DENND1A: variants seen among roughly 807,000 people sequenced by gnomAD.
The protein encoded by DENND1A is DENN domain containing 1A.
In DENND1A, 51 loss-of-function variants were observed where a neutral mutation model predicts 113.7. The ratio of observed to expected loss-of-function variants is 0.45; its 90% CI spans 0.36 to 0.57. The LOEUF is 0.57. DENND1A is among the 20% of genes least tolerant of loss of function. The pLI, the probability that DENND1A is intolerant of heterozygous loss-of-function variation, is 0.00. For missense variants in DENND1A, 1,258 were observed against 1,395.9 expected (o/e 0.90, Z 1.57); for synonymous variants, 565 against 570.8 (o/e 0.99, Z 0.14).
At chr9:123,552,933 G>GA (rs1373455811) in intron 13 of DENND1A, among the ~76,000 whole-genome samples, 4 of 152,224 alleles carry the variant, frequency 2.6e-5, no homozygotes, top group Non-Finnish European at 5.9e-5. Context: ...GCACAGTGTG[G>GA]TATCATGAAA....
rs146208649 is a variant in DENND1A, at chr9:123,382,242, C to T, written c.2403G>A (p.Thr801=). The stretch of plus-strand genomic sequence containing the variant: ...TCAGGGCAGCTCGCCTGTCCCGATC[C>T]GTCTGCAGCCGCTCTGAGACGTCAC... ...ALGDVSERLQ[T]DRDRRAALSP... Residue 801 remains threonine (T), a synonymous_variant, in exon 24 of 24, where the codon ACG becomes ACA. Coordinates refer to ENST00000394215, the MANE Select transcript of DENND1A (RefSeq NM_001352964.2). 342 of 1,609,538 alleles carry T rather than the reference C, an allele frequency of 2.1e-4. 2 individuals carry two copies. The African/African-American group carries it at 3.4e-3, about 16-fold the overall frequency.
intron 5 of DENND1A, among the ~76,000 whole-genome samples, chr9:123,688,759 G>T (rs986327834): frequency 1.1e-4 from 16 of 152,060 alleles, no homozygotes; most frequent in African/African-American, 3.6e-4. Flanking sequence ...AATGCCACTG[G>T]TCACTCTCTG....
At chr9:123,751,557 C>T (rs1220094290) in intron 5 of DENND1A, 3 of 152,222 alleles carry the variant, frequency 2.0e-5, no homozygotes, top group African/African-American at 4.8e-5. Flanking sequence ...CTAAAAACAT[C>T]ATCATCTCTA....
intron 13 of DENND1A, among the ~76,000 whole-genome samples, chr9:123,526,203 C>A (rs146328035): frequency 8.6e-5 from 13 of 151,914 alleles, no homozygotes; most frequent in African/African-American, 3.1e-4. Flanking sequence ...GTACACACAC[C>A]CCCATGCCTG....
intron 13 of DENND1A, among the ~76,000 whole-genome samples, chr9:123,531,355 T>C (rs548302591): frequency 6.6e-6 from 1 of 152,294 alleles, no homozygotes; most frequent in Admixed American, 6.5e-5. Flanking sequence ...TTTTTTACAT[T>C]TGGACTTCAT....
At chr9:123,416,939 C>T (rs562368590) in intron 19 of DENND1A, among the ~76,000 whole-genome samples, 2 of 152,340 alleles carry the variant, frequency 1.3e-5, no homozygotes, top group East Asian at 1.9e-4. Flanking sequence ...GGGAAAATAA[C>T]TTCTTAAAGT....
At chr9:123,481,740 G>A (rs558173824) in intron 13 of DENND1A, among the ~76,000 whole-genome samples, 2 of 151,858 alleles carry the variant, frequency 1.3e-5, no homozygotes, top group African/African-American at 2.4e-5. Flanking sequence ...CAGAAAAGGG[G>A]TGTCAGCTTT....
chr9:123,514,424 G>T (rs1394138112), intron 13 of DENND1A, among the ~76,000 whole-genome samples: 1 of 152,064 alleles, frequency 6.6e-6, no homozygotes, highest in Non-Finnish European at 1.5e-5. Flanking sequence ...AAGGGAGGCA[G>T]TGGCAGTGGT....
At chr9:123,891,070 T>C (rs1849833574) in intron 1 of DENND1A, among the ~76,000 whole-genome samples, 1 of 152,132 alleles carries the variant, frequency 6.6e-6, no homozygotes, top group Admixed American at 6.5e-5. Context: ...TGAAAAGGCC[T>C]TCAGAACAGT....
At chr9:123,386,687 C>G (rs2042580857) in intron 22 of DENND1A, among the ~76,000 whole-genome samples, 1 of 152,170 alleles carries the variant, frequency 6.6e-6, no homozygotes, top group African/African-American at 2.4e-5. Context: ...CTTGGCAAGG[C>G]CACTACTTTC....
At chr9:123,909,390 TAAAATAAAATAA>T (rs1320062221) in intron 1 of DENND1A, among the ~76,000 whole-genome samples, 2 of 146,046 alleles carry the variant, frequency 1.4e-5, no homozygotes, top group East Asian at 2.0e-4. Flanking sequence ...AAATAAAATA[TAAAATAAAATAA>T]AAAATAAAAA....
chr9:123,531,607 G>C (rs1281142165), intron 13 of DENND1A, among the ~76,000 whole-genome samples: 1 of 117,198 alleles, frequency 8.5e-6, no homozygotes, highest in Non-Finnish European at 1.8e-5. Context: ...ACACACAGAA[G>C]GCAATTATAT....
At chr9:123,420,966 T>C (rs1588445626) in intron 19 of DENND1A, among the ~76,000 whole-genome samples, 1 of 150,962 alleles carries the variant, frequency 6.6e-6, no homozygotes, top group African/African-American at 2.4e-5. Context: ...TGGCCGGAGG[T>C]CGGGCACCAG....
chr9:123,440,397 C>A lies in DENND1A; in HGVS notation c.1451G>T (p.Arg484Leu), dbSNP rs764876964. The change falls in exon 19 of 24, where the codon CGA becomes CTA. Residue 484 changes from arginine (R) to leucine (L), a missense_variant. Around this residue, in one of 2 missense-constraint regions of DENND1A, gnomAD observed 1,159 missense variants for 1,231.7 expected, o/e 0.94. Coordinates refer to ENST00000394215, the MANE Select transcript of DENND1A (RefSeq NM_001352964.2). ...PLVEAKDPKL[R>L]EDRRPITVHF... is the part of the protein sequence containing the mutation. ...GACTGTGATTGGCCGCCGGTCTTCT[C>A]GGAGCTTGGGGTCCTTGGCCTCCAC... 1.2e-6 allele frequency: 2 copies of A among 1,600,606 alleles called. No homozygotes were observed. Among genetic ancestry groups the A allele is most frequent in the Non-Finnish European group, 1.7e-6 (2 of 1,174,700 alleles).
At chr9:123,608,673 G>T (rs902591900) in intron 11 of DENND1A, among the ~76,000 whole-genome samples, 1 of 152,166 alleles carries the variant, frequency 6.6e-6, no homozygotes, top group Non-Finnish European at 1.5e-5. Flanking sequence ...CTACTTTAGG[G>T]GTTCTATGCT....
chr9:123,831,106 G>A (rs12001781), intron 2 of DENND1A, among the ~76,000 whole-genome samples: 3,575 of 152,200 alleles, frequency 0.023, 156 homozygotes, highest in African/African-American at 0.081. Context: ...CTTAGCAAAT[G>A]TGCTGGATAC....
intron 12 of DENND1A, among the ~76,000 whole-genome samples, chr9:123,558,413 C>T (rs2057548150): frequency 6.6e-6 from 1 of 152,288 alleles, no homozygotes; most frequent in East Asian, 1.9e-4. Context: ...TAGACATGTA[C>T]TCAAGAGGTT....
At chr9:123,560,440 G>A (rs995487563) in intron 12 of DENND1A, among the ~76,000 whole-genome samples, 8 of 152,128 alleles carry the variant, frequency 5.3e-5, no homozygotes, top group South Asian at 2.1e-4. Flanking sequence ...CGTGCCCAGC[G>A]CTTTGGGAAG....
intron 13 of DENND1A, among the ~76,000 whole-genome samples, chr9:123,488,690 G>C (rs1411153898): frequency 1.3e-5 from 2 of 152,318 alleles, no homozygotes; most frequent in African/African-American, 4.8e-5. Context: ...CCAAAGCAGA[G>C]GATGTAGTTC....
Sources: allele counts gnomAD v4.1 joint callset (sites outside exome capture counted in the v4.1 genomes callset), GRCh38; gene constraint gnomAD v4.1.1; regional missense constraint gnomAD v4.1.1; transcripts MANE v1.5; gene names NCBI Gene and HGNC (gene_info 2026-07-23, HGNC 2026-07-21).